The following CHRNA7 variants were observed in gnomAD, a reference collection of about 807,000 sequenced individuals.
The protein encoded by CHRNA7 is cholinergic receptor nicotinic alpha 7 subunit.
CHRNA7 carries 17 observed loss-of-function variants against 48.0 expected under a neutral mutation model. The ratio of observed to expected loss-of-function variants is 0.35; its 90% confidence interval spans 0.24 to 0.53. The LOEUF is 0.53. Ranked by LOEUF, CHRNA7 falls within the 20% of genes least tolerant of loss-of-function variation. The pLI, the probability that CHRNA7 is intolerant of heterozygous loss-of-function variation, is 0.92. For missense variants in CHRNA7, 155 were observed against 577.7 expected (o/e 0.27, Z 7.50); for synonymous variants, 75 against 242.3 (o/e 0.31, Z 6.41).
intron 2 of CHRNA7, among the ~76,000 whole-genome samples, chr15:32,097,182 C>T (rs1203364280): frequency 6.6e-6 from 1 of 152,124 alleles, no homozygotes; most frequent in Non-Finnish European, 1.5e-5. Context: ...GTCGGGAGCC[C>T]CCAGGGTCTT....
At chr15:32,126,010 C>CAA (rs35928459) in intron 4 of CHRNA7, among the ~76,000 whole-genome samples, 134 of 146,950 alleles carry the variant, frequency 9.1e-4, no homozygotes, top group African/African-American at 3.1e-3. Context: ...TAGCTGATAG[C>CAA]AAAAAAAAAA....
At chr15:32,151,714 A>C (rs1365992297) in intron 4 of CHRNA7, among the ~76,000 whole-genome samples, 3 of 152,068 alleles carry the variant, frequency 2.0e-5, no homozygotes, top group Non-Finnish European at 4.4e-5. Flanking sequence ...CTTTTTTCTA[A>C]TTGCTATATC....
chr15:32,093,669 A>G (rs1351131321), intron 2 of CHRNA7, among the ~76,000 whole-genome samples: 2 of 152,120 alleles, frequency 1.3e-5, no homozygotes, highest in African/African-American at 4.8e-5. Flanking sequence ...TTCACCTGGC[A>G]TTTATTCTCC....
At chr15:32,034,874 G>A (rs1902009998) in intron 2 of CHRNA7, among the ~76,000 whole-genome samples, 1 of 152,100 alleles carries the variant, frequency 6.6e-6, no homozygotes, top group African/African-American at 2.4e-5. Flanking sequence ...AACAGGGGAG[G>A]GAAGTAACCG....
intron 4 of CHRNA7, among the ~76,000 whole-genome samples, chr15:32,114,022 ATATATATATATATATATATATG>A (rs2050808547): frequency 3.7e-5 from 1 of 26,908 alleles, no homozygotes; most frequent in African/African-American, 9.5e-5. Context: ...ATCTCCAAAT[ATATATATATATATATATATATG>A]TATATATATA....
intron 2 of CHRNA7, among the ~76,000 whole-genome samples, chr15:32,081,999 C>T (rs896023235): frequency 2.6e-5 from 4 of 152,000 alleles, no homozygotes; most frequent in African/African-American, 9.7e-5. Flanking sequence ...CTGAGGTGAT[C>T]TTTTTTTCAG....
intron 2 of CHRNA7, among the ~76,000 whole-genome samples, chr15:32,066,071 C>T (rs778801877): frequency 2.6e-5 from 4 of 152,280 alleles, no homozygotes; most frequent in Non-Finnish European, 5.9e-5. Context: ...CCACTGCCAA[C>T]ACTGGGGATT....
intron 4 of CHRNA7, among the ~76,000 whole-genome samples, chr15:32,151,687 A>G (rs1238242685): frequency 6.6e-6 from 1 of 152,178 alleles, no homozygotes; most frequent in Non-Finnish European, 1.5e-5. Flanking sequence ...TCATACCTTT[A>G]ATTTCCATTT....
upstream of CHRNA7, chr15:32,030,509 C>T (rs149637464): frequency 0.048 from 61,841 of 1,286,654 alleles, 1,607 homozygotes; most frequent in Middle Eastern, 0.056. Flanking sequence ...AGCCGAGCGG[C>T]GAGGTGCCTC....
At chr15:32,045,563 G>T (rs1225450344) in intron 2 of CHRNA7, among the ~76,000 whole-genome samples, 1 of 151,364 alleles carries the variant, frequency 6.6e-6, no homozygotes, top group African/African-American at 2.4e-5. Context: ...TTGAGACAGA[G>T]TCTCACTTTG....
chr15:32,114,061 C>CATATGTATATATATATATATACAT (rs2050819435), intron 4 of CHRNA7, among the ~76,000 whole-genome samples: 1 of 120,226 alleles, frequency 8.3e-6, no homozygotes, highest in East Asian at 2.2e-4. Flanking sequence ...TATATATATA[C>CATATGTATATATATATATATACAT]ATATATATAT....
chr15:32,146,488 A>G (rs539402811), intron 4 of CHRNA7, among the ~76,000 whole-genome samples: 50 of 152,350 alleles, frequency 3.3e-4, no homozygotes, highest in Middle Eastern at 6.8e-3. Flanking sequence ...TTTATAGGCC[A>G]TATCTGTTTT....
At chr15:32,101,385 A>G in intron 3 of CHRNA7, 38 bp downstream of exon 3, 1 of 1,559,422 alleles carries the variant, frequency 6.4e-7, no homozygotes, top group Non-Finnish European at 8.6e-7. Flanking sequence ...CATGGGCTGC[A>G]AGATCTTGCA....
chr15:32,102,568 A>G (rs1455943038), intron 3 of CHRNA7: 1 of 130,998 alleles, frequency 7.6e-6, no homozygotes, highest in African/African-American at 2.6e-5. Flanking sequence ...TGCTATTGTT[A>G]TTGGTATTAT....
At chr15:32,063,645 C>T (rs2049916138) in intron 2 of CHRNA7, among the ~76,000 whole-genome samples, 1 of 152,084 alleles carries the variant, frequency 6.6e-6, no homozygotes, top group African/African-American at 2.4e-5. Flanking sequence ...TTTCAGCATC[C>T]CTCCCCTTCT....
At chr15:32,050,632 T>G (rs954495426) in intron 2 of CHRNA7, among the ~76,000 whole-genome samples, 11 of 152,346 alleles carry the variant, frequency 7.2e-5, no homozygotes, top group East Asian at 3.9e-4. Flanking sequence ...GTCTGAAGCC[T>G]TCTTCTCTCA....
At chr15:32,133,573 C>T (rs1456137279) in intron 4 of CHRNA7, among the ~76,000 whole-genome samples, 1 of 152,144 alleles carries the variant, frequency 6.6e-6, no homozygotes, top group Admixed American at 6.5e-5. Context: ...GCTGCATTCT[C>T]CCTGAGAAGT....
chr15:32,166,251 C>T (rs1191637517), intron 9 of CHRNA7: 1 of 152,286 alleles, frequency 6.6e-6, no homozygotes, highest in African/African-American at 2.4e-5. Flanking sequence ...TTCACCGGAC[C>T]CTGAAAGGCC....
At chr15:32,052,678 G>A (rs1423694278) in intron 2 of CHRNA7, among the ~76,000 whole-genome samples, 3 of 152,196 alleles carry the variant, frequency 2.0e-5, no homozygotes, top group South Asian at 2.1e-4. Context: ...GCAGTGAGCC[G>A]AGATCGCGCC....
Sources: allele counts gnomAD v4.1 joint callset (sites outside exome capture counted in the v4.1 genomes callset), GRCh38; gene constraint gnomAD v4.1.1; transcripts MANE v1.5; gene names NCBI Gene and HGNC (gene_info 2026-07-23, HGNC 2026-07-21).